C12orf42: variants seen among roughly 807,000 people sequenced by gnomAD.
The protein encoded by C12orf42 is uncharacterized protein C12orf42.
Under a neutral mutation model 21.6 loss-of-function variants are expected in C12orf42, and 25 were observed. That is an observed-to-expected ratio of 1.16 (90% CI 0.84 to 1.62). The LOEUF is 1.62. Ranked by LOEUF, C12orf42 falls within the 40% of genes most tolerant of loss-of-function variation. The probability of loss-of-function intolerance (pLI) is 0.00; values close to 1 mark genes in which losing one functional copy is unlikely to be tolerated. For synonymous variants in C12orf42, 174 were observed against 175.0 expected, an observed-to-expected ratio of 0.99 and a Z score of 0.05; for missense variants, 483 against 459.3, an observed-to-expected ratio of 1.05 and a Z score of -0.47.
chr12:103,065,002 C>T, the C12orf42 span, among the ~76,000 whole-genome samples: 1 of 152,198 alleles, frequency 6.6e-6, no homozygotes, highest in African/African-American at 2.4e-5. Context: ...GTAAGCCCCA[C>T]ATTGGCTCCC....
the C12orf42 span, among the ~76,000 whole-genome samples, chr12:103,057,311 C>T: frequency 6.6e-6 from 1 of 151,926 alleles, no homozygotes; most frequent in Non-Finnish European, 1.5e-5. Flanking sequence ...TTTTAAGCCC[C>T]ACATGCATTA....
At chr12:103,393,926 C>A (rs1006903873) in intron 3 of C12orf42, among the ~76,000 whole-genome samples, 3 of 152,168 alleles carry the variant, frequency 2.0e-5, no homozygotes, top group African/African-American at 7.2e-5. Flanking sequence ...TCAGAGGAAT[C>A]CCTAGGGGAA....
At chr12:103,395,038 C>T (rs1408960873) in intron 3 of C12orf42, among the ~76,000 whole-genome samples, 1 of 152,238 alleles carries the variant, frequency 6.6e-6, no homozygotes, top group African/African-American at 2.4e-5. Flanking sequence ...TGAACATCTA[C>T]ATTGTACCAG....
the C12orf42 span, among the ~76,000 whole-genome samples, chr12:103,063,957 AG>A: frequency 0.011 from 1,633 of 152,310 alleles, 12 homozygotes; most frequent in South Asian, 0.019. Context: ...GGAGTTAAAA[AG>A]GTTCTAATAG....
chr12:103,425,223 C>G (rs1201139152), intron 2 of C12orf42, among the ~76,000 whole-genome samples: 1 of 152,194 alleles, frequency 6.6e-6, no homozygotes, highest in Non-Finnish European at 1.5e-5. Flanking sequence ...CTCCCTGGGA[C>G]AGAGCACCTA....
At chr12:103,118,717 G>A in the C12orf42 span, among the ~76,000 whole-genome samples, 4 of 141,770 alleles carry the variant, frequency 2.8e-5, no homozygotes, top group Non-Finnish European at 6.0e-5. Flanking sequence ...AGAATGGTGT[G>A]AGCCCGGAAG....
the C12orf42 span, among the ~76,000 whole-genome samples, chr12:103,115,735 T>C: frequency 6.6e-6 from 1 of 152,210 alleles, no homozygotes; most frequent in African/African-American, 2.4e-5. Context: ...AGGCTTGCTT[T>C]TGTGAACAAA....
intron 10 of C12orf42, among the ~76,000 whole-genome samples, chr12:103,241,325 G>T (rs2033731838): frequency 6.6e-6 from 1 of 152,062 alleles, no homozygotes; most frequent in African/African-American, 2.4e-5. Context: ...TAGTGGATTA[G>T]TCATTTACCT....
At chr12:103,319,660 A>G (rs551711483) in intron 4 of C12orf42, among the ~76,000 whole-genome samples, 2 of 152,398 alleles carry the variant, frequency 1.3e-5, no homozygotes, top group Non-Finnish European at 2.9e-5. Context: ...AAAGATTTCA[A>G]TAGTTCAAAG....
chr12:103,398,595 C>A (rs1438724172), intron 3 of C12orf42, among the ~76,000 whole-genome samples: 1 of 152,138 alleles, frequency 6.6e-6, no homozygotes, highest in East Asian at 1.9e-4. Context: ...CCCCTCAGAT[C>A]ATAAAATATA....
At chr12:103,191,140 CA>C in the C12orf42 span, among the ~76,000 whole-genome samples, 1 of 151,846 alleles carries the variant, frequency 6.6e-6, no homozygotes, top group Non-Finnish European at 1.5e-5. Context: ...AGGAACCTGC[CA>C]ACAAAGAAAA....
At position 103,423,814 on chromosome 12, in the gene C12orf42, A is replaced by G. The variant is rs562704422; in HGVS notation, c.79-22139T>C. Among the ~76,000 whole-genome samples the G allele has an allele frequency of 2.1e-3, 326 of 152,350 alleles. 1 individual carries two copies. Among genetic ancestry groups the G allele is most frequent in the Non-Finnish European group, 3.4e-3 (229 of 68,030 alleles). ...AAAAAAAGAATTATGGCAATTTAAC[A>G]TTCCAAATGAAGCCAAAGCTCTCGG... is the stretch of plus-strand genomic sequence containing the variant. On this transcript the variant is annotated intron_variant, in intron 2 of 5. Transcript: ENST00000548883.
the C12orf42 span, among the ~76,000 whole-genome samples, chr12:103,068,410 A>T: frequency 6.6e-6 from 1 of 152,038 alleles, no homozygotes; most frequent in East Asian, 1.9e-4. Context: ...TGACCTTATT[A>T]TTGTCTTTAC....
intron 2 of C12orf42, among the ~76,000 whole-genome samples, chr12:103,414,011 G>C (rs1031634157): frequency 1.3e-5 from 2 of 152,176 alleles, no homozygotes; most frequent in Non-Finnish European, 2.9e-5. Context: ...TAGATACTCA[G>C]TAGTGGGATT....
chr12:103,250,652 GAA>G (rs1171033825), intron 10 of C12orf42, among the ~76,000 whole-genome samples: 1 of 152,152 alleles, frequency 6.6e-6, no homozygotes, highest in Non-Finnish European at 1.5e-5. Flanking sequence ...TGTTAGGTGA[GAA>G]AGAGTTCACT....
At chr12:103,529,238 T>G in the C12orf42 span, among the ~76,000 whole-genome samples, 1 of 152,202 alleles carries the variant, frequency 6.6e-6, no homozygotes, top group Non-Finnish European at 1.5e-5. Context: ...GTTCACTTAT[T>G]TTACTCCTCT....
chr12:103,290,520 T>A (rs2036736579), intron 4 of C12orf42, among the ~76,000 whole-genome samples: 1 of 152,114 alleles, frequency 6.6e-6, no homozygotes, highest in African/African-American at 2.4e-5. Flanking sequence ...ACATAAAAAA[T>A]CTTGATCTCA....
At chr12:103,492,716 GC>G (rs1457595805) in intron 1 of C12orf42, among the ~76,000 whole-genome samples, 5 of 152,092 alleles carry the variant, frequency 3.3e-5, no homozygotes, top group Non-Finnish European at 7.4e-5. Context: ...ATCCCAAGAA[GC>G]TTAGGAAAGG....
chr12:103,348,356 GAGA>G (rs1204303129), intron 4 of C12orf42, among the ~76,000 whole-genome samples: 1 of 152,192 alleles, frequency 6.6e-6, no homozygotes, highest in East Asian at 1.9e-4. Context: ...CTTATTGTGG[GAGA>G]AGAACACTAG....
Sources: allele counts gnomAD v4.1 joint callset (sites outside exome capture counted in the v4.1 genomes callset), GRCh38; gene constraint gnomAD v4.1.1; transcripts MANE v1.5; gene names NCBI Gene and HGNC (gene_info 2026-07-23, HGNC 2026-07-21).